The following CLCC1 variants were observed in gnomAD, a reference collection of about 807,000 sequenced individuals.
The protein encoded by CLCC1 is chloride channel CLIC like 1, also known as chloride channel CLIC-like protein 1.
CLCC1 carries 39 observed loss-of-function variants against 63.3 expected under a neutral mutation model. The observed-to-expected ratio is 0.62, with a 90% CI of 0.48 to 0.81. The LOEUF (loss-of-function observed/expected upper bound fraction) is 0.81. Ranked by LOEUF, CLCC1 falls within the 30% of genes least tolerant of loss-of-function variation. The pLI is 0.00. For missense variants in CLCC1, 549 were observed against 669.4 expected, an observed-to-expected ratio of 0.82 and a Z score of 1.98; for synonymous variants, 217 against 239.8, an observed-to-expected ratio of 0.90 and a Z score of 0.88.
In CLCC1 at chr1:108,929,552, A is replaced by G; in HGVS notation, c.*2995T>C. ...TTTCAGAAATCAGGCTGGGAACTAA[A>G]GAGAACAATATAAAAACAAAGATTA... On this transcript the variant is annotated 3_prime_UTR_variant, in exon 13 of 13. Transcript: ENST00000369969. 1.4e-6 allele frequency: 1 copy of G among 712,694 alleles called. No homozygotes were observed. The highest frequency in any genetic ancestry group is 2.4e-6 in the Non-Finnish European group (1 of 412,036). The allele number at this position is 712,694 out of a possible 1,614,324, so 44.1% of individuals were successfully genotyped here.
intron 2 of CLCC1, among the ~76,000 whole-genome samples, chr1:108,950,687 TA>T (rs1655078311): frequency 1.3e-5 from 2 of 151,662 alleles, no homozygotes; most frequent in African/African-American, 4.8e-5. Flanking sequence ...TTTTTTTTTT[TA>T]ATTTTTAGTA....
intron 12 of CLCC1, chr1:108,934,133 G>A (rs1223136245): frequency 6.5e-6 from 1 of 152,992 alleles, no homozygotes; most frequent in African/African-American, 2.4e-5. Flanking sequence ...CGTAGTAATA[G>A]CTGTGGAAAA....
At position 108,939,711 on chromosome 1, in the gene CLCC1, A is replaced by G. The variant is rs2101637804; in HGVS notation, c.966T>C (p.Phe322=). ...GAATTTCCTTCATGAGTGCTTTAATAAATTCCCCAGTTCCTTTTCCAATAT... is the reference window on the plus strand; with the variant it reads ...GAATTTCCTTCATGAGTGCTTTAATGAATTCCCCAGTTCCTTTTCCAATAT... ...LKHIGKGTGE[F]IKALMKEIPA... The change falls in exon 10 of 13, where the codon TTT becomes TTC. Residue 322 remains phenylalanine, a synonymous_variant. Transcript: ENST00000369969. The G allele has an allele frequency of 6.2e-7, 1 of 1,614,172 alleles. No homozygotes were observed. The highest frequency in any genetic ancestry group is 1.1e-5 in the South Asian group (1 of 91,082).
intron 11 of CLCC1, among the ~76,000 whole-genome samples, chr1:108,935,946 G>C (rs968510469): frequency 1.2e-4 from 18 of 152,132 alleles, no homozygotes; most frequent in African/African-American, 4.3e-4. Flanking sequence ...TGGATGTGGG[G>C]GAAGGGGAGA....
At position 108,951,784 on chromosome 1, in the gene CLCC1, T is replaced by G. The variant is rs1222795626; in HGVS notation, c.-11-1336A>C. Among the ~76,000 whole-genome samples, 5 of 150,480 alleles carry G rather than the reference T, an allele frequency of 3.3e-5. No individual in the cohort carries two copies. The East Asian group carries it at 9.7e-4, about 29-fold the overall frequency. ...TTGTATACTTTTTTTTTTTTTTTTT[T>G]GAGACAGGGTCTCTCCCTCTGTTGC... is the stretch of plus-strand genomic sequence containing the variant. On this transcript the variant is annotated intron_variant, in intron 2 of 12. Coordinates refer to ENST00000369969, the MANE Select transcript of CLCC1 (RefSeq NM_001377458.1).
intron 2 of CLCC1, among the ~76,000 whole-genome samples, chr1:108,952,628 ATC>A (rs984013591): frequency 1.3e-5 from 2 of 151,952 alleles, no homozygotes; most frequent in African/African-American, 4.8e-5. Flanking sequence ...TTGAAACCCC[ATC>A]TCTACTAAAA....
chr1:108,943,942 T>A lies in CLCC1; in HGVS notation c.455A>T (p.Asp152Val). The A allele has an allele frequency of 6.2e-7, 1 of 1,612,972 alleles. No homozygotes were observed. The highest frequency in any genetic ancestry group is 8.5e-7 in the Non-Finnish European group (1 of 1,179,068). The change falls in exon 6 of 13, where the codon GAT becomes GTT. Residue 152 changes from aspartate to valine, a missense_variant. Transcript: ENST00000369969. ...NGEDWKPGALDDALSDILINF... is the reference protein window; with the variant it reads ...NGEDWKPGALVDALSDILINF... ...AATTAAAATATCACTTAGTGCATCA[T>A]CCAAGGCACCTGGTTTCCAGTCTTC...
chr1:108,931,169 AAAAAC>A lies in CLCC1; in HGVS notation c.*1373_*1377del, dbSNP rs1287859748. 16 of 787,888 alleles carry A rather than the reference AAAAAC, an allele frequency of 2.0e-5. No individual in the cohort carries two copies. The highest frequency in any genetic ancestry group is 1.1e-4 in the African/African-American group (6 of 56,392). 48.8% of individuals were successfully genotyped at this position (787,888 alleles called of 1,614,324 possible). ...TTTTCTAAGTTCTAATATAAAAACA[AAAAAC>A]AAAACCCATGTGGTTAGGTCAAGAA... On this transcript the variant is annotated 3_prime_UTR_variant, in exon 13 of 13. Transcript: ENST00000369969.
Position 108,939,789 on chromosome 1 carries a change from C to T in CLCC1, c.895-7G>A, listed in dbSNP as rs750268664. On this transcript the variant is annotated splice_region_variant and splice_polypyrimidine_tract_variant and intron_variant, in intron 9 of 12. Coordinates refer to ENST00000369969, the MANE Select transcript of CLCC1 (RefSeq NM_001377458.1). ...TGAATGTAACTGCAAGTGCCTAAAACGAGAGAAAAGCAACTTAATTTTCTC... is the reference window on the plus strand; with the variant it reads ...TGAATGTAACTGCAAGTGCCTAAAATGAGAGAAAAGCAACTTAATTTTCTC... 2.2e-5 allele frequency: 35 copies of T among 1,611,852 alleles called. No homozygotes were observed. Among genetic ancestry groups the T allele is most frequent in the Admixed American group, 6.7e-5 (4 of 59,440 alleles).
At chr1:108,957,014 T>G (rs1347626742) in intron 2 of CLCC1, among the ~76,000 whole-genome samples, 1 of 150,870 alleles carries the variant, frequency 6.6e-6, no homozygotes, top group Non-Finnish European at 1.5e-5. Context: ...GTTTACATTC[T>G]AAAAGACATT....
chr1:108,944,079 AC>A, intron 5 of CLCC1, 22 bp from the exon 6 acceptor site: 1 of 1,519,650 alleles, frequency 6.6e-7, no homozygotes, highest in Non-Finnish European at 8.9e-7. Flanking sequence ...TTACCAAAAA[AC>A]AAACAATAGA....
At chr1:108,933,679 C>T (rs1652381152) in intron 12 of CLCC1, 1 of 152,160 alleles carries the variant, frequency 6.6e-6, no homozygotes. Flanking sequence ...AGGACAGGTA[C>T]AAAATTTATG....
At chr1:108,958,931 T>C (rs1333673421) in intron 2 of CLCC1, among the ~76,000 whole-genome samples, 3 of 151,146 alleles carry the variant, frequency 2.0e-5, no homozygotes, top group Admixed American at 1.3e-4. Context: ...CCCAGCACTT[T>C]GGGAGGCCGA....
At chr1:108,953,179 C>T (rs1343670535) in intron 2 of CLCC1, among the ~76,000 whole-genome samples, 1 of 152,196 alleles carries the variant, frequency 6.6e-6, no homozygotes, top group Non-Finnish European at 1.5e-5. Context: ...GCCCTGGGCC[C>T]TGCCCATAAA....
rs1244512667 is a variant in CLCC1 at position 108,931,750 on chromosome 1, G to A, written c.*797C>T. On this transcript the variant is annotated 3_prime_UTR_variant, in exon 13 of 13. Transcript: ENST00000369969. ...GGTAAGTTTCATGGGGTTCTTATAA[G>A]AAAATTCAGTTAAGACAATATACCA... 3 of 295,200 alleles carry A rather than the reference G, an allele frequency of 1.0e-5. No homozygotes were observed. The highest frequency in any genetic ancestry group is 6.6e-5 in the African/African-American group (3 of 45,458). 18.3% of individuals were successfully genotyped at this position (295,200 alleles called of 1,614,324 possible). A position where few individuals can be genotyped will look rare whatever the true frequency, so the allele number is the denominator to read the frequency against.
Position 108,956,590 on chromosome 1 carries a change from G to A in CLCC1, c.-12+5719C>T, listed in dbSNP as rs780738219. On this transcript the variant is annotated intron_variant, in intron 2 of 12. Transcript: ENST00000369969. ...GCAGAAGAATCACTTGAACCTGGGA[G>A]GCGGAAGTTGCAGTGAGGCGAGATC... is the stretch of plus-strand genomic sequence containing the variant. 4.6e-5 allele frequency among the ~76,000 whole-genome samples: 7 copies of A among 150,598 alleles called. 1 individual carries two copies. The highest frequency in any genetic ancestry group is 1.7e-4 in the African/African-American group (7 of 40,084).
intron 2 of CLCC1, among the ~76,000 whole-genome samples, chr1:108,956,101 C>T (rs1252525984): frequency 4.0e-5 from 6 of 151,612 alleles, no homozygotes; most frequent in South Asian, 2.1e-4. Flanking sequence ...TGTGGGAACA[C>T]GCCCCTCTTG....
chr1:108,934,527 G>A (rs1652564306), intron 12 of CLCC1, 98 bp downstream of exon 12: 2 of 898,322 alleles, frequency 2.2e-6, no homozygotes, highest in Non-Finnish European at 3.3e-6. Flanking sequence ...CAGTAAAAAT[G>A]TGAATGTTGA....
rs777237521 is a variant in CLCC1 at position 108,929,930 on chromosome 1, C to G, written c.*2617G>C. On this transcript the variant is annotated 3_prime_UTR_variant, in exon 13 of 13. Coordinates refer to ENST00000369969, the MANE Select transcript of CLCC1 (RefSeq NM_001377458.1). ...TTTAAAAATTCAGGGAAAAAATCGGCAGACCATTAGTTACTATGGATTTAT... is the reference window on the plus strand; with the variant it reads ...TTTAAAAATTCAGGGAAAAAATCGGGAGACCATTAGTTACTATGGATTTAT... 1.2e-6 allele frequency: 2 copies of G among 1,613,244 alleles called. No homozygotes were observed. Among genetic ancestry groups the G allele is most frequent in the South Asian group, 2.2e-5 (2 of 91,044 alleles).
Sources: gnomAD v4.1 joint callset for allele counts (sites outside exome capture counted in the v4.1 genomes callset) on GRCh38, gnomAD v4.1.1 for gene constraint, MANE v1.5 for transcripts, NCBI Gene and HGNC (gene_info 2026-07-23, HGNC 2026-07-21) for gene names.